The following C2CD3 variants were observed in gnomAD, a reference collection of about 807,000 sequenced individuals.
C2CD3 encodes C2 domain containing 3 centriole elongation regulator.
Under a neutral mutation model 234.0 loss-of-function variants are expected in C2CD3, and 148 were observed. The ratio of observed to expected loss-of-function variants is 0.63; its 90% CI spans 0.55 to 0.72. The LOEUF is 0.72. Ranked by LOEUF, C2CD3 falls within the 30% of genes least tolerant of loss-of-function variation. The pLI is 0.00. For missense variants in C2CD3, 2,577 were observed against 2,811.5 expected (o/e 0.92, Z 1.89); for synonymous variants, 1,000 against 1,035.4 (o/e 0.97, Z 0.66).
chr11:74,165,904 G>C (rs1313154711), intron 2 of C2CD3, among the ~76,000 whole-genome samples: 1 of 152,122 alleles, frequency 6.6e-6, no homozygotes, highest in Non-Finnish European at 1.5e-5. Flanking sequence ...GTTTTACCCA[G>C]GCTGGTCTTG....
At chr11:74,062,538 G>A (rs1160811490) in intron 24 of C2CD3, among the ~76,000 whole-genome samples, 1 of 151,998 alleles carries the variant, frequency 6.6e-6, no homozygotes, top group Non-Finnish European at 1.5e-5. Context: ...GGTACATAAC[G>A]AAATGAAGGC....
chr11:74,053,035 G>T (rs998077048), intron 26 of C2CD3, among the ~76,000 whole-genome samples: 1 of 152,204 alleles, frequency 6.6e-6, no homozygotes, highest in Non-Finnish European at 1.5e-5. Context: ...ATGGTTAGAA[G>T]TCCTCATCAC....
intron 2 of C2CD3, among the ~76,000 whole-genome samples, chr11:74,163,131 G>C (rs535230381): frequency 1.0e-3 from 155 of 152,272 alleles, no homozygotes; most frequent in African/African-American, 3.6e-3. Context: ...TTCAGCATTT[G>C]TTAATACTGT....
At chr11:74,133,762 A>G (rs1957759796) in intron 5 of C2CD3, 3 of 563,966 alleles carry the variant, frequency 5.3e-6, no homozygotes, top group Admixed American at 3.0e-5. Context: ...ACTGTTTTAG[A>G]TGCTGGCATT....
At chr11:74,046,210 G>A (rs1230144895) in intron 28 of C2CD3, among the ~76,000 whole-genome samples, 1 of 152,090 alleles carries the variant, frequency 6.6e-6, no homozygotes, top group Non-Finnish European at 1.5e-5. Flanking sequence ...GTTTCTTCTT[G>A]TCTTTTGCAA....
chr11:74,108,440 T>C (rs984271063), intron 12 of C2CD3, among the ~76,000 whole-genome samples: 6 of 152,240 alleles, frequency 3.9e-5, no homozygotes, highest in Non-Finnish European at 8.8e-5. Flanking sequence ...CTGCTTGTTA[T>C]AGTTTATTGA....
intron 3 of C2CD3, among the ~76,000 whole-genome samples, chr11:74,143,943 T>G (rs568159879): frequency 6.6e-6 from 1 of 152,048 alleles, no homozygotes; most frequent in East Asian, 1.9e-4. Flanking sequence ...TGATCTTGAG[T>G]GAGTTTTGGT....
intron 3 of C2CD3, among the ~76,000 whole-genome samples, chr11:74,146,961 G>A (rs1468938883): frequency 6.6e-6 from 1 of 152,092 alleles, no homozygotes; most frequent in Non-Finnish European, 1.5e-5. Context: ...GCTGAGGCAG[G>A]AGAATTGCTT....
intron 3 of C2CD3, among the ~76,000 whole-genome samples, chr11:74,155,378 T>C (rs1456087142): frequency 6.6e-6 from 1 of 152,218 alleles, no homozygotes; most frequent in East Asian, 1.9e-4. Context: ...AGTTACCATA[T>C]GGCCCAGCAA....
chr11:74,158,460 C>A lies in C2CD3; in HGVS notation c.483+2939G>T, dbSNP rs574744790. On this transcript the variant is annotated intron_variant, in intron 3 of 32. Coordinates refer to ENST00000334126, the MANE Select transcript of C2CD3 (RefSeq NM_001286577.2). ...CAACAGGGCTGGGCGTGGTGGCTCACATCTATAATCCCAGCACTTTGGGAG... is the reference window on the plus strand; with the variant it reads ...CAACAGGGCTGGGCGTGGTGGCTCAAATCTATAATCCCAGCACTTTGGGAG... 2.0e-5 allele frequency among the ~76,000 whole-genome samples: 3 copies of A among 152,268 alleles called. No individual in the cohort carries two copies. In the East Asian group the frequency reaches 5.8e-4, roughly 29 times the overall value.
At chr11:74,062,218 G>A (rs563073910) in intron 24 of C2CD3, among the ~76,000 whole-genome samples, 56 of 152,240 alleles carry the variant, frequency 3.7e-4, no homozygotes, top group African/African-American at 1.3e-3. Flanking sequence ...AGATCAACGA[G>A]ACAGAAAGTC....
chr11:74,144,429 A>G (rs534327981), intron 3 of C2CD3, among the ~76,000 whole-genome samples: 8 of 152,076 alleles, frequency 5.3e-5, no homozygotes, highest in Non-Finnish European at 1.0e-4. Context: ...TTGGCACACA[A>G]TATGTACAGT....
rs2135413138 is a variant in C2CD3, at chr11:74,034,021, T to C, written c.6139A>G (p.Met2047Val). 2 of 1,536,556 alleles carry C rather than the reference T, an allele frequency of 1.3e-6. No individual in the cohort carries two copies. The highest frequency in any genetic ancestry group is 2.0e-5 in the Admixed American group (1 of 51,006). The change falls in exon 31 of 33, where the codon ATG becomes GTG. Residue 2047 changes from methionine (M) to valine (V), a missense_variant. Met to Val is a conservative substitution (Grantham distance 21, BLOSUM62 1). Coordinates refer to ENST00000334126, the MANE Select transcript of C2CD3 (RefSeq NM_001286577.2). ...GCCTCAGTGTCTTCACTGCTCTGCA[T>C]CCTTGTAATGGGTACTGCATGCCTC... ...SLRHAVPITR[M>V]QSSEDTEAGP... is the part of the protein sequence containing the mutation.
intron 8 of C2CD3, among the ~76,000 whole-genome samples, chr11:74,122,237 TATCTTTCA>T (rs1179683235): frequency 5.9e-5 from 9 of 152,234 alleles, no homozygotes; most frequent in Admixed American, 5.9e-4. Flanking sequence ...CTCAAAACAC[TATCTTTCA>T]ATCTCAGTTA....
At chr11:74,129,247 C>T in intron 7 of C2CD3, 1 of 177,168 alleles carries the variant, frequency 5.6e-6, no homozygotes, top group South Asian at 1.0e-4. Context: ...GACGGGGTGG[C>T]TGCTGGGCGG....
chr11:74,047,387 C>T (rs1051165385), intron 28 of C2CD3, among the ~76,000 whole-genome samples: 2 of 152,198 alleles, frequency 1.3e-5, no homozygotes, highest in African/African-American at 4.8e-5. Flanking sequence ...ATGTGTCCCA[C>T]TGTGGGTATG....
intron 24 of C2CD3, among the ~76,000 whole-genome samples, chr11:74,072,141 A>C (rs1954823676): frequency 6.6e-6 from 1 of 152,116 alleles, no homozygotes; most frequent in South Asian, 2.1e-4. Flanking sequence ...TGGGGCAGAA[A>C]ATTTTTTTTT....
In C2CD3 at chr11:74,162,785, G is replaced by GAC. The variant is rs1310669778; in HGVS notation, c.326-1231_326-1230dup. ...TGCCAATAACTCAGGCTTTGGTTTT[G>GAC]ACACACAGAGCAACAAATCTCAGTT... On this transcript the variant is annotated intron_variant, in intron 2 of 32. Transcript: ENST00000334126. Among the ~76,000 whole-genome samples the GAC allele has an allele frequency of 1.2e-4, 18 of 152,256 alleles. No individual in the cohort carries two copies. The South Asian group carries it at 3.7e-3, about 32-fold the overall frequency.
intron 28 of C2CD3, among the ~76,000 whole-genome samples, chr11:74,044,499 A>G (rs556917580): frequency 4.0e-5 from 6 of 151,470 alleles, no homozygotes; most frequent in Non-Finnish European, 7.4e-5. Flanking sequence ...CTCCCATTCT[A>G]TGGGTTGTCT....
Sources: gnomAD v4.1 joint callset for allele counts (sites outside exome capture counted in the v4.1 genomes callset) on GRCh38, gnomAD v4.1.1 for gene constraint, MANE v1.5 for transcripts, NCBI Gene and HGNC (gene_info 2026-07-23, HGNC 2026-07-21) for gene names.